The following OSBPL5 variants were observed in gnomAD, a reference collection of about 807,000 sequenced individuals.
The protein encoded by OSBPL5 is oxysterol-binding protein-related protein 5.
Under a neutral mutation model 111.2 loss-of-function variants are expected in OSBPL5, and 71 were observed. That is an observed-to-expected ratio of 0.64 (90% CI 0.53 to 0.78). The LOEUF is 0.78. OSBPL5 is among the 30% of genes least tolerant of loss of function. The pLI is 0.00. For synonymous variants in OSBPL5, 549 were observed against 513.9 expected, an observed-to-expected ratio of 1.07 and a Z score of -0.93; for missense variants, 1,210 against 1,189.3, an observed-to-expected ratio of 1.02 and a Z score of -0.26.
rs1335975822 is a variant in OSBPL5 at position 3,141,740 on chromosome 11, C to T, written c.-21-12571G>A. The stretch of plus-strand genomic sequence containing the variant: ...ACGCCACCCTTGCATGTGTGTCCTC[C>T]CCTGGGCACAGGATGCTAAATGGGG... On this transcript the variant is annotated intron_variant, in intron 1 of 21. Transcript: ENST00000263650. The surrounding 1 kb of genome is among the most constrained non-coding windows in gnomAD (Gnocchi z 6.5). 3.3e-5 allele frequency among the ~76,000 whole-genome samples: 5 copies of T among 152,132 alleles called. No individual in the cohort carries two copies. Among genetic ancestry groups the T allele is most frequent in the Non-Finnish European group, 5.9e-5 (4 of 68,010 alleles).
At chr11:3,131,332 A>C (rs1050393172) in intron 1 of OSBPL5, among the ~76,000 whole-genome samples, 2 of 151,862 alleles carry the variant, frequency 1.3e-5, no homozygotes, top group Admixed American at 6.6e-5. Flanking sequence ...ACATACATAC[A>C]TCTCCCTTCC....
At chr11:3,125,452 C>T (rs112216161) in intron 3 of OSBPL5, among the ~76,000 whole-genome samples, 3,301 of 152,202 alleles carry the variant, frequency 0.022, 47 homozygotes, top group Non-Finnish European at 0.03. Flanking sequence ...CAATGTTATC[C>T]GTCATTAGAG....
rs533574361 is a variant in OSBPL5, at chr11:3,129,507, G to C, written c.-21-338C>G. On this transcript the variant is annotated intron_variant, in intron 1 of 21. Coordinates refer to ENST00000263650, the MANE Select transcript of OSBPL5 (RefSeq NM_020896.4). ...CCTGGCTGCAGCCAGGCAGACCCAC[G>C]TGTAGACACAGGTTTTCCCTCCCGC... is the stretch of plus-strand genomic sequence containing the variant. Among the ~76,000 whole-genome samples the C allele has an allele frequency of 2.0e-5, 3 of 152,310 alleles. No individual in the cohort carries two copies. The South Asian group carries it at 6.2e-4, about 32-fold the overall frequency.
At chr11:3,094,123 T>A in intron 15 of OSBPL5, 114 bp downstream of exon 15, 1 of 1,006,654 alleles carries the variant, frequency 9.9e-7, no homozygotes, top group Non-Finnish European at 1.5e-6. Context: ...GCTGCTCCCC[T>A]TATGTGCACT....
rs995373764 is a variant in OSBPL5, at chr11:3,130,013, C to T, written c.-21-844G>A. Among the ~76,000 whole-genome samples the T allele has an allele frequency of 1.3e-5, 2 of 152,194 alleles. No individual in the cohort carries two copies. The highest frequency in any genetic ancestry group is 2.4e-5 in the African/African-American group (1 of 41,452). ...CCCTGGAAGGAGAGAGGACAACAGG[C>T]GGTCCCCTCTGTCCTGCTCCCCACC... On this transcript the variant is annotated intron_variant, in intron 1 of 21. Transcript: ENST00000263650. This position sits in a 1 kb window ranked among gnomAD's most constrained non-coding sequence, Gnocchi z 4.5.
At chr11:3,112,010 C>T (rs866568860) in intron 7 of OSBPL5, among the ~76,000 whole-genome samples, 41 of 114,088 alleles carry the variant, frequency 3.6e-4, no homozygotes, top group African/African-American at 1.2e-3. Flanking sequence ...TGTGTGTGTG[C>T]GCGCATGTGT....
chr11:3,151,854 G>A (rs1490809824), intron 1 of OSBPL5, among the ~76,000 whole-genome samples: 1 of 152,240 alleles, frequency 6.6e-6, no homozygotes, highest in Non-Finnish European at 1.5e-5. Flanking sequence ...GGCGGGCTTT[G>A]CAGCCCCGAC....
rs574839408 is a variant in OSBPL5, at chr11:3,161,679, C to T, written c.-22+3537G>A. Among the ~76,000 whole-genome samples the T allele has an allele frequency of 6.6e-5, 10 of 152,318 alleles. No individual in the cohort carries two copies. In the East Asian group the frequency reaches 1.7e-3, roughly 26 times the overall value. ...ACGCACCAGCGGCGCCCACCATGAACCTGGCTTGGCCCAATCGCTTTCTCC... is the reference window on the plus strand; with the variant it reads ...ACGCACCAGCGGCGCCCACCATGAATCTGGCTTGGCCCAATCGCTTTCTCC... On this transcript the variant is annotated intron_variant, in intron 1 of 21. Coordinates refer to ENST00000263650, the MANE Select transcript of OSBPL5 (RefSeq NM_020896.4). The surrounding 1 kb of genome is among the most constrained non-coding windows in gnomAD (Gnocchi z 8.0).
chr11:3,163,022 C>T (rs569143699), intron 1 of OSBPL5, among the ~76,000 whole-genome samples: 13 of 151,916 alleles, frequency 8.6e-5, no homozygotes, highest in Non-Finnish European at 1.6e-4. Flanking sequence ...GCTCCCTCCC[C>T]GACAGCTCCC....
Position 3,154,170 on chromosome 11 carries a change from G to C in OSBPL5, c.-22+11046C>G, listed in dbSNP as rs1339575537. On this transcript the variant is annotated intron_variant, in intron 1 of 21. Transcript: ENST00000263650. This position sits in a 1 kb window ranked among gnomAD's most constrained non-coding sequence, Gnocchi z 4.9. The stretch of plus-strand genomic sequence containing the variant: ...GCTGTAGGAGGTGTTTGCTAGACTG[G>C]GCCAGAGGGCAAAGGTGAAGGGGCG... 6.6e-6 allele frequency among the ~76,000 whole-genome samples: 1 copy of C among 152,262 alleles called. No individual in the cohort carries two copies. The highest frequency in any genetic ancestry group is 1.5e-5 in the Non-Finnish European group (1 of 68,044).
intron 7 of OSBPL5, among the ~76,000 whole-genome samples, chr11:3,116,854 C>CAAAAAAAAAAAAAAAA (rs371907970): frequency 2.6e-5 from 2 of 75,488 alleles, no homozygotes; most frequent in African/African-American, 9.1e-5. Context: ...GACTCCATCA[C>CAAAAAAAAAAAAAAAA]AAAAAAAAAA....
chr11:3,143,031 G>T (rs1389162174), intron 1 of OSBPL5, among the ~76,000 whole-genome samples: 2 of 24,752 alleles, frequency 8.1e-5, no homozygotes, highest in East Asian at 1.7e-3. Flanking sequence ...AGGCAGGTGC[G>T]GGGGGGGGCA....
At chr11:3,128,866 G>A (rs978041416) in intron 2 of OSBPL5, 147 bp downstream of exon 2, 1 of 762,786 alleles carries the variant, frequency 1.3e-6, no homozygotes, top group South Asian at 4.3e-5. Context: ...ACTCTACCAA[G>A]CTACAAACCG....
chr11:3,120,621 G>A lies in OSBPL5; in HGVS notation c.406C>T (p.Arg136Cys), dbSNP rs367627982. 6.2e-6 allele frequency: 10 copies of A among 1,612,050 alleles called. No individual in the cohort carries two copies. Among genetic ancestry groups the A allele is most frequent in the South Asian group, 2.2e-5 (2 of 91,068 alleles). ...TTGGTCCAGCTCTTCAGGGTGCCGCGGATCTGCAGGGAGGATGCTGGCGTC... is the reference window on the plus strand; with the variant it reads ...TTGGTCCAGCTCTTCAGGGTGCCGCAGATCTGCAGGGAGGATGCTGGCGTC... ...VVIMADSLKI[R>C]GTLKSWTKLW... Residue 136 changes from arginine (R) to cysteine (C), a missense_variant, in exon 6 of 22, where the codon CGC (arginine) becomes TGC (cysteine). Arg to Cys is a radical substitution (Grantham distance 180). Coordinates refer to ENST00000263650, the MANE Select transcript of OSBPL5 (RefSeq NM_020896.4).
intron 7 of OSBPL5, among the ~76,000 whole-genome samples, chr11:3,114,184 T>G (rs1858117009): frequency 6.6e-6 from 1 of 152,188 alleles, no homozygotes; most frequent in South Asian, 2.1e-4. Flanking sequence ...TGAACAATTT[T>G]TGCCTAATTC....
chr11:3,093,178 A>G, intron 17 of OSBPL5, 126 bp from the exon 18 acceptor site: 1 of 1,011,078 alleles, frequency 9.9e-7, no homozygotes, highest in Non-Finnish European at 1.4e-6. Context: ...GCCTACAGTG[A>G]CAGGGAGCTC....
rs1280038333 is a variant in OSBPL5 at position 3,106,489 on chromosome 11, C to T, written c.1059+774G>A. Among the ~76,000 whole-genome samples, 2 of 151,974 alleles carry T rather than the reference C, an allele frequency of 1.3e-5. No homozygotes were observed. The highest frequency in any genetic ancestry group is 4.8e-5 in the African/African-American group (2 of 41,364). ...GGAAGCTTAGATCCTGTGATTCCTTCCGGACTCCCCTTCCTGAGGCGCCCC... is the reference window on the plus strand; with the variant it reads ...GGAAGCTTAGATCCTGTGATTCCTTTCGGACTCCCCTTCCTGAGGCGCCCC... On this transcript the variant is annotated intron_variant, in intron 9 of 21. Coordinates refer to ENST00000263650, the MANE Select transcript of OSBPL5 (RefSeq NM_020896.4). The surrounding 1 kb of genome is among the most constrained non-coding windows in gnomAD (Gnocchi z 8.4).
Position 3,092,520 on chromosome 11 carries a change from A to G in OSBPL5, c.2171T>C (p.Phe724Ser). The change falls in exon 19 of 22, where the codon TTT becomes TCT. Residue 724 changes from phenylalanine to serine, a missense_variant. Physicochemically the swap from Phe to Ser is radical, Grantham distance 155 (BLOSUM62 -2). Coordinates refer to ENST00000263650, the MANE Select transcript of OSBPL5 (RefSeq NM_020896.4). The surrounding 1 kb of genome is among the most constrained non-coding windows in gnomAD (Gnocchi z 5.4). Reference sequence around the variant, plus strand: ...GGTCCGCAGGATCCCGTCTTGCTCAAACTGGGCGATGTCCTTCAGGGGGTC... The same window carrying G: ...GGTCCGCAGGATCCCGTCTTGCTCAGACTGGGCGATGTCCTTCAGGGGGTC... ...PWDPLKDIAQ[F>S]EQDGILRTLQ... 2 of 1,587,978 alleles carry G rather than the reference A, an allele frequency of 1.3e-6. No homozygotes were observed. Among genetic ancestry groups the G allele is most frequent in the South Asian group, 2.3e-5 (2 of 87,224 alleles).
At chr11:3,122,310 C>G (rs1564843892) in intron 4 of OSBPL5, 38 bp downstream of exon 4, 1 of 1,598,208 alleles carries the variant, frequency 6.3e-7, no homozygotes, top group South Asian at 1.1e-5. Flanking sequence ...GTCGGTCTGA[C>G]AGTGACACTG....
Sources: gnomAD v4.1 joint callset for allele counts (sites outside exome capture counted in the v4.1 genomes callset) on GRCh38, gnomAD v4.1.1 for gene constraint, Gnocchi (gnomAD v3.1) non-coding constraint, MANE v1.5 for transcripts, NCBI Gene and HGNC (gene_info 2026-07-23, HGNC 2026-07-21) for gene names.